The following HMCN1 variants were observed in gnomAD, a reference collection of about 807,000 sequenced individuals.
HMCN1 encodes the protein hemicentin-1.
Under a neutral mutation model 625.9 loss-of-function variants are expected in HMCN1, and 321 were observed. That is an observed-to-expected ratio of 0.51 (90% CI 0.47 to 0.56). HMCN1 has a LOEUF of 0.56. HMCN1 is among the 20% of genes least tolerant of loss of function. The pLI is 0.00. For missense variants in HMCN1, 6,588 were observed against 6,887.3 expected (o/e 0.96, Z 1.54); for synonymous variants, 2,425 against 2,417.6 (o/e 1.00, Z -0.09).
chr1:186,093,974 A>G (rs1444472859), intron 66 of HMCN1, among the ~76,000 whole-genome samples: 1 of 152,102 alleles, frequency 6.6e-6, no homozygotes, highest in East Asian at 1.9e-4. Context: ...AGGTAGTAGG[A>G]AGATGCCTAC....
At chr1:185,950,134 T>C (rs1277687961) in intron 11 of HMCN1, among the ~76,000 whole-genome samples, 1 of 151,122 alleles carries the variant, frequency 6.6e-6, no homozygotes, top group Non-Finnish European at 1.5e-5. Flanking sequence ...GATACAGTCA[T>C]GGGGGTCAGG....
chr1:185,820,718 C>A (rs184817795), intron 1 of HMCN1, among the ~76,000 whole-genome samples: 1 of 151,984 alleles, frequency 6.6e-6, no homozygotes, highest in Non-Finnish European at 1.5e-5. Flanking sequence ...GAAGGCCATT[C>A]GCTAAAAGCA....
At chr1:186,183,068 C>G (rs1175089333) in intron 105 of HMCN1, among the ~76,000 whole-genome samples, 2 of 152,042 alleles carry the variant, frequency 1.3e-5, no homozygotes, top group Admixed American at 6.6e-5. Flanking sequence ...TCTAAGAAAC[C>G]CTTGAATTTT....
At chr1:185,737,072 T>A (rs1653626660) in intron 1 of HMCN1, among the ~76,000 whole-genome samples, 1 of 152,130 alleles carries the variant, frequency 6.6e-6, no homozygotes, top group South Asian at 2.1e-4. Context: ...TTGTAGTACT[T>A]TATTTGTGTG....
At chr1:185,910,610 A>T (rs961359000) in intron 5 of HMCN1, among the ~76,000 whole-genome samples, 80 of 142,912 alleles carry the variant, frequency 5.6e-4, no homozygotes, top group African/African-American at 2.1e-3. Flanking sequence ...TTGCTCTGTC[A>T]CCCAGGCTGA....
Position 186,078,212 on chromosome 1 carries a change from G to A in HMCN1, c.8591G>A (p.Arg2864His), listed in dbSNP as rs142456066. The A allele has an allele frequency of 1.3e-5, 21 of 1,600,372 alleles. No homozygotes were observed. The highest frequency in any genetic ancestry group is 3.3e-5 in the Admixed American group (2 of 59,844). ...GAAGATTCCCTTCAATATGATGTCC[G>A]TGTACTCGGTGAGTTTTTCTTTTGT... The part of the protein sequence containing the change: ...AGEDSLQYDV[R>H]VLVPPIIKGA... The change falls in exon 55 of 107, where the codon CGT becomes CAT. Residue 2864 changes from arginine (R) to histidine (H), a missense_variant. By Grantham distance (29) the Arg-to-His change is conservative (BLOSUM62 0). This residue lies in a region of HMCN1 where 4,628 missense variants were observed against 4,853.1 expected (regional missense o/e 0.95). Transcript: ENST00000271588.
At chr1:186,008,295 C>T (rs1236679145) in intron 30 of HMCN1, among the ~76,000 whole-genome samples, 2 of 152,032 alleles carry the variant, frequency 1.3e-5, no homozygotes, top group Non-Finnish European at 2.9e-5. Context: ...GGCTATTGAG[C>T]ACTTGAAATG....
chr1:186,141,151 C>G (rs1430118313), intron 89 of HMCN1, among the ~76,000 whole-genome samples: 2 of 151,896 alleles, frequency 1.3e-5, no homozygotes, highest in African/African-American at 2.4e-5. Flanking sequence ...AGGGTTCGCA[C>G]TCCTATGAGA....
intron 36 of HMCN1, among the ~76,000 whole-genome samples, chr1:186,027,291 A>G (rs1655120614): frequency 6.6e-6 from 1 of 152,114 alleles, no homozygotes; most frequent in Non-Finnish European, 1.5e-5. Context: ...ATAATTCTGG[A>G]AGTTTTTATT....
intron 46 of HMCN1, among the ~76,000 whole-genome samples, chr1:186,059,544 G>A (rs1657553201): frequency 1.3e-5 from 2 of 152,064 alleles, no homozygotes; most frequent in South Asian, 4.1e-4. Flanking sequence ...ACCTTGTGGT[G>A]CTGCCAAAGG....
intron 39 of HMCN1, 21 bp downstream of exon 39, chr1:186,039,900 G>A: frequency 6.2e-7 from 1 of 1,609,332 alleles, no homozygotes; most frequent in South Asian, 1.1e-5. Flanking sequence ...TCATTTCTTT[G>A]GTGACATTTA....
chr1:185,981,122 C>T, intron 17 of HMCN1, 49 bp downstream of exon 17: 1 of 1,077,516 alleles, frequency 9.3e-7, no homozygotes, highest in Non-Finnish European at 1.4e-6. Context: ...AGTCATCAGA[C>T]TTCTTTTACT....
At chr1:185,805,007 G>A (rs2102232758) in intron 1 of HMCN1, among the ~76,000 whole-genome samples, 1 of 152,240 alleles carries the variant, frequency 6.6e-6, no homozygotes, top group Middle Eastern at 3.4e-3. Flanking sequence ...TTAGCATTTG[G>A]AAGGAATTGT....
At chr1:186,139,756 G>A (rs555451496) in intron 89 of HMCN1, among the ~76,000 whole-genome samples, 1 of 152,188 alleles carries the variant, frequency 6.6e-6, no homozygotes, top group East Asian at 1.9e-4. Flanking sequence ...ATTTAGTGAT[G>A]CCACATTGGT....
At chr1:185,964,305 C>T (rs1474924385) in intron 13 of HMCN1, among the ~76,000 whole-genome samples, 5 of 152,024 alleles carry the variant, frequency 3.3e-5, no homozygotes, top group Non-Finnish European at 7.4e-5. Flanking sequence ...TTTCCCTCTC[C>T]AAACTTAAAC....
At chr1:185,990,526 A>G in intron 22 of HMCN1, 83 bp downstream of exon 22, 1 of 1,193,770 alleles carries the variant, frequency 8.4e-7, no homozygotes. Flanking sequence ...CAGGTTATCA[A>G]ACGTCTCAAA....
intron 6 of HMCN1, among the ~76,000 whole-genome samples, chr1:185,920,670 A>G (rs1303136781): frequency 6.6e-6 from 1 of 152,082 alleles, no homozygotes; most frequent in Non-Finnish European, 1.5e-5. Context: ...CACTTGTATA[A>G]TTTCTGTTTT....
At chr1:185,792,630 T>C (rs1658083566) in intron 1 of HMCN1, among the ~76,000 whole-genome samples, 1 of 152,216 alleles carries the variant, frequency 6.6e-6, no homozygotes, top group African/African-American at 2.4e-5. Context: ...ATATGATTTT[T>C]CATAGTTAAA....
intron 80 of HMCN1, among the ~76,000 whole-genome samples, chr1:186,122,025 A>G (rs565628620): frequency 8.3e-4 from 126 of 152,348 alleles, no homozygotes; most frequent in Non-Finnish European, 1.4e-3. Flanking sequence ...CAGAGGTCGT[A>G]GAAAAGAACA....
Sources: gnomAD v4.1 joint callset for allele counts (sites outside exome capture counted in the v4.1 genomes callset) on GRCh38, gnomAD v4.1.1 for gene constraint, gnomAD v4.1.1 regional missense constraint, MANE v1.5 for transcripts, NCBI Gene and HGNC (gene_info 2026-07-23, HGNC 2026-07-21) for gene names.